KBTBD2: variants seen among roughly 807,000 people sequenced by gnomAD.
KBTBD2 encodes the protein kelch repeat and BTB domain containing 2.
KBTBD2 carries 17 observed loss-of-function variants against 57.1 expected under a neutral mutation model. The observed-to-expected ratio is 0.30, with a 90% CI of 0.20 to 0.45. The LOEUF (loss-of-function observed/expected upper bound fraction) is 0.45, where lower values mean the gene tolerates loss of function less well. KBTBD2 is among the 20% of genes least tolerant of loss of function. KBTBD2 has a pLI of 1.00. For synonymous variants in KBTBD2, 267 were observed against 262.7 expected (o/e 1.02, Z -0.16); for missense variants, 515 against 750.6 (o/e 0.69, Z 3.67).
At chr7:32,874,005 G>A (rs544971858) in intron 3 of KBTBD2, among the ~76,000 whole-genome samples, 1 of 152,212 alleles carries the variant, frequency 6.6e-6, no homozygotes, top group African/African-American at 2.4e-5. Context: ...GTTCATACCT[G>A]TAATCCCAGG....
intron 3 of KBTBD2, among the ~76,000 whole-genome samples, chr7:32,873,893 T>C (rs1443561162): frequency 1.3e-5 from 2 of 152,224 alleles, no homozygotes; most frequent in Admixed American, 6.5e-5. Flanking sequence ...TCCTATTGTT[T>C]TTCCCTTACA....
Position 32,868,199 on chromosome 7 carries a change from TTAA to T in KBTBD2, c.*1143_*1145del, listed in dbSNP as rs1243465593. 1 of 152,616 alleles carries T rather than the reference TTAA, an allele frequency of 6.6e-6. No homozygotes were observed. Among genetic ancestry groups the T allele is most frequent in the African/African-American group, 2.4e-5 (1 of 41,458 alleles). 9.5% of individuals were successfully genotyped at this position (152,616 alleles called of 1,614,324 possible). A position where few individuals can be genotyped will look rare whatever the true frequency, so the allele number is the denominator to read the frequency against. On this transcript the variant is annotated 3_prime_UTR_variant, in exon 4 of 4. Transcript: ENST00000304056. The stretch of plus-strand genomic sequence containing the variant: ...GAATATATACAATTTATTTAATAAA[TTAA>T]TGTCATTCAAAATACAGTGCCAGAA...
At chr7:32,884,877 A>G (rs1784528930) in intron 1 of KBTBD2, among the ~76,000 whole-genome samples, 2 of 151,388 alleles carry the variant, frequency 1.3e-5, no homozygotes, top group South Asian at 4.2e-4. Flanking sequence ...TTTCAATAAA[A>G]CTTTGTTTAC....
rs192343031 is a variant in KBTBD2 at position 32,869,297 on chromosome 7, A to G, written c.*48T>C. 4.8e-5 allele frequency: 65 copies of G among 1,349,554 alleles called. 1 individual carries two copies. The Admixed American group carries it at 1.3e-3, about 26-fold the overall frequency. The allele number at this position is 1,349,554 out of a possible 1,614,324, so 83.6% of individuals were successfully genotyped here. A position where few individuals can be genotyped will look rare whatever the true frequency, so the allele number is the denominator to read the frequency against. On this transcript the variant is annotated 3_prime_UTR_variant, in exon 4 of 4. Transcript: ENST00000304056. ...TCATAGCCTCTTTTGTTTAGCAAAGAAAATGACAAAGCACATAACTCAGGC... is the reference window on the plus strand; with the variant it reads ...TCATAGCCTCTTTTGTTTAGCAAAGGAAATGACAAAGCACATAACTCAGGC...
chr7:32,874,740 T>G, intron 3 of KBTBD2: 1 of 337,304 alleles, frequency 3.0e-6, no homozygotes, highest in South Asian at 4.6e-5. Flanking sequence ...ACGCGTGTAA[T>G]CCCAGCACTT....
At chr7:32,875,495 T>A (rs1410653252) in intron 2 of KBTBD2, among the ~76,000 whole-genome samples, 1 of 152,150 alleles carries the variant, frequency 6.6e-6, no homozygotes, top group Non-Finnish European at 1.5e-5. Flanking sequence ...GGTCTCCAAC[T>A]CCTGAGCTCA....
At position 32,875,037 on chromosome 7, in the gene KBTBD2, A is replaced by C; in HGVS notation, c.291T>G (p.Asn97Lys). The C allele has an allele frequency of 2.5e-6, 4 of 1,614,206 alleles. No individual in the cohort carries two copies. The South Asian group carries it at 4.4e-5, about 18-fold the overall frequency. Residue 97 changes from asparagine to lysine, a missense_variant, in exon 3 of 4, where the codon AAT (asparagine) becomes AAG (lysine). Transcript: ENST00000304056. ...CATAAAGCTGTTCTACAGTGCTGTC[A>C]TTCATTGCCAAGTTACCCGTGTATG... is the stretch of plus-strand genomic sequence containing the variant. ...TYAYTGNLAM[N>K]DSTVEQLYET...
intron 1 of KBTBD2, among the ~76,000 whole-genome samples, chr7:32,884,456 G>T (rs1384225198): frequency 1.3e-5 from 2 of 150,142 alleles, no homozygotes; most frequent in Non-Finnish European, 2.9e-5. Context: ...TTGGGAGGCT[G>T]AGGTGGACAG....
upstream of KBTBD2, chr7:32,892,144 TGGG>T: frequency 6.6e-6 from 1 of 151,618 alleles, no homozygotes. Context: ...CCAAAACAAT[TGGG>T]GCCGCGCAGG....
intron 2 of KBTBD2, among the ~76,000 whole-genome samples, chr7:32,875,758 G>A (rs962623091): frequency 4.6e-5 from 7 of 152,030 alleles, no homozygotes; most frequent in Non-Finnish European, 1.0e-4. Context: ...AAATGAACCT[G>A]AAAACATTAT....
At chr7:32,888,062 G>A (rs1323812359) in intron 1 of KBTBD2, among the ~76,000 whole-genome samples, 1 of 152,172 alleles carries the variant, frequency 6.6e-6, no homozygotes, top group Non-Finnish European at 1.5e-5. Context: ...CAAGGTCTCA[G>A]CACTCCAAAT....
At chr7:32,890,746 A>AT (rs1371155680) in intron 1 of KBTBD2, among the ~76,000 whole-genome samples, 1 of 151,866 alleles carries the variant, frequency 6.6e-6, no homozygotes, top group East Asian at 1.9e-4. Context: ...TTCTTTTCCT[A>AT]TTTTCACTGG....
chr7:32,890,866 C>G (rs1304885567), intron 1 of KBTBD2: 2 of 152,152 alleles, frequency 1.3e-5, no homozygotes, highest in African/African-American at 4.8e-5. Flanking sequence ...CTCAAAATAA[C>G]CGCCCCACAC....
At chr7:32,883,428 G>T (rs1338602404) in intron 1 of KBTBD2, among the ~76,000 whole-genome samples, 1 of 152,116 alleles carries the variant, frequency 6.6e-6, no homozygotes, top group Admixed American at 6.6e-5. Flanking sequence ...CAAAGTTTAG[G>T]ACGATCAACC....
chr7:32,891,861 C>T (rs1175100847), upstream of KBTBD2: 9 of 141,790 alleles, frequency 6.3e-5, no homozygotes, highest in South Asian at 1.9e-4. Context: ...AGTCCGGGGC[C>T]GCGAGACGCC....
At chr7:32,884,390 TA>T (rs11363525) in intron 1 of KBTBD2, among the ~76,000 whole-genome samples, 60,609 of 125,670 alleles carry the variant, frequency 0.48, 14,296 homozygotes, top group African/African-American at 0.68. Context: ...ATTTTTAATT[TA>T]AAAAAAAAAA....
intron 3 of KBTBD2, among the ~76,000 whole-genome samples, chr7:32,874,270 G>A (rs1784254155): frequency 6.6e-6 from 1 of 151,310 alleles, no homozygotes; most frequent in Admixed American, 6.6e-5. Flanking sequence ...GGTGGTGGTA[G>A]GCACCTGTAG....
intron 1 of KBTBD2, among the ~76,000 whole-genome samples, chr7:32,885,045 A>G (rs763396382): frequency 6.4e-5 from 9 of 141,300 alleles, no homozygotes; most frequent in Non-Finnish European, 1.4e-4. Flanking sequence ...CACAAATTTT[A>G]ATTTTTTTTT....
In KBTBD2 at chr7:32,869,277, G is replaced by T; in HGVS notation, c.*68C>A. 8.8e-7 allele frequency: 1 copy of T among 1,142,780 alleles called. No homozygotes were observed. The highest frequency in any genetic ancestry group is 1.2e-6 in the Non-Finnish European group (1 of 800,252). The allele number at this position is 1,142,780 out of a possible 1,614,324, so 70.8% of individuals were successfully genotyped here. On this transcript the variant is annotated 3_prime_UTR_variant, in exon 4 of 4. Transcript: ENST00000304056. ...TGTACTCATATTTAGTTCTTTCATA[G>T]CCTCTTTTGTTTAGCAAAGAAAATG...
Sources: gnomAD v4.1 joint callset for allele counts (sites outside exome capture counted in the v4.1 genomes callset) on GRCh38, gnomAD v4.1.1 for gene constraint, MANE v1.5 for transcripts, NCBI Gene and HGNC (gene_info 2026-07-23, HGNC 2026-07-21) for gene names.